Variants in TLCD4 observed in about 807,000 individuals in gnomAD.
TLCD4 encodes the protein TLC domain containing 4.
A neutral mutation model predicts 24.2 loss-of-function variants in TLCD4; 7 were observed. That is an observed-to-expected ratio of 0.29 (90% CI 0.16 to 0.54). TLCD4 has a LOEUF of 0.54. Among genes scored for constraint, TLCD4 ranks in the 20% least tolerant of loss-of-function variants. The probability of loss-of-function intolerance (pLI) is 0.95; values close to 1 mark genes in which losing one functional copy is unlikely to be tolerated. For missense variants in TLCD4, 259 were observed against 313.9 expected (o/e 0.82, Z 1.32); for synonymous variants, 103 against 106.4 (o/e 0.97, Z 0.20).
chr1:95,174,778 AATT>A (rs1414378058), intron 6 of TLCD4, among the ~76,000 whole-genome samples: 1 of 152,036 alleles, frequency 6.6e-6, no homozygotes, highest in Non-Finnish European at 1.5e-5. Context: ...ATCACTAGTG[AATT>A]ATTATTATTT....
At chr1:95,100,910 C>CT in the TLCD4 span, among the ~76,000 whole-genome samples, 88 of 142,218 alleles carry the variant, frequency 6.2e-4, no homozygotes, top group East Asian at 3.3e-3. Flanking sequence ...AGGTCTCCAA[C>CT]TTTTTTTTTT....
At chr1:95,133,655 T>C (rs1012398481) in intron 1 of TLCD4, among the ~76,000 whole-genome samples, 2 of 152,040 alleles carry the variant, frequency 1.3e-5, no homozygotes, top group African/African-American at 4.8e-5. Flanking sequence ...ATGGATGGTG[T>C]TTTGAAAAGA....
intron 1 of TLCD4, among the ~76,000 whole-genome samples, chr1:95,132,054 T>TA (rs1676910179): frequency 6.6e-6 from 1 of 152,220 alleles, no homozygotes; most frequent in Admixed American, 6.5e-5. Context: ...CCTTCTCCAC[T>TA]ATGTTATGAC....
At chr1:95,150,574 C>G (rs111238370) in intron 4 of TLCD4, among the ~76,000 whole-genome samples, 1 of 151,998 alleles carries the variant, frequency 6.6e-6, no homozygotes, top group Non-Finnish European at 1.5e-5. Flanking sequence ...GTGAAACTAA[C>G]GAAATTTAAC....
chr1:95,173,830 G>C lies in TLCD4; in HGVS notation c.414G>C (p.Leu138=). The part of the protein sequence containing the change: ...AYYLVLKNGV[L]AYIGNFRLLA... ...TTATCATTCAGAAAAATGGAGTGCT[G>C]GCATACATTGGGAATTTTCGCCTGC... is the stretch of plus-strand genomic sequence containing the variant. The change falls in exon 6 of 7, where the codon CTG becomes CTC. Residue 138 remains leucine (L), a synonymous_variant. Transcript: ENST00000370203. 6.2e-7 allele frequency: 1 copy of C among 1,614,074 alleles called. No homozygotes were observed.
chr1:95,108,714 A>C, the TLCD4 span, among the ~76,000 whole-genome samples: 1 of 152,142 alleles, frequency 6.6e-6, no homozygotes. Context: ...CATAGATTTA[A>C]CTTTATTTTT....
At chr1:95,112,425 T>TA (rs746843192), upstream of TLCD4, among the ~76,000 whole-genome samples, 3 of 152,110 alleles carry the variant, frequency 2.0e-5, no homozygotes, top group East Asian at 5.8e-4. Context: ...GCAAATGAGA[T>TA]AAAAAAGACT....
At chr1:95,093,200 C>T in the TLCD4 span, among the ~76,000 whole-genome samples, 1 of 152,124 alleles carries the variant, frequency 6.6e-6, no homozygotes. Context: ...GAAGAACCTC[C>T]CAGAGGGTGA....
At chr1:95,178,834 C>T (rs1349423026) in intron 6 of TLCD4, among the ~76,000 whole-genome samples, 1 of 152,126 alleles carries the variant, frequency 6.6e-6, no homozygotes, top group African/African-American at 2.4e-5. Flanking sequence ...GTTTTGTTCT[C>T]TTAGGTGGCA....
intron 5 of TLCD4, among the ~76,000 whole-genome samples, chr1:95,167,115 T>G (rs1047721955): frequency 6.6e-6 from 1 of 151,978 alleles, no homozygotes; most frequent in East Asian, 1.9e-4. Context: ...GCCCTCAGTA[T>G]GCGTCTCATT....
intron 6 of TLCD4, among the ~76,000 whole-genome samples, chr1:95,180,151 G>A (rs1265924732): frequency 1.3e-5 from 2 of 152,160 alleles, no homozygotes; most frequent in Non-Finnish European, 2.9e-5. Flanking sequence ...GAGGTGATAA[G>A]TTAAGCTTTA....
At chr1:95,129,999 CTA>C (rs971741110) in intron 1 of TLCD4, among the ~76,000 whole-genome samples, 2 of 152,084 alleles carry the variant, frequency 1.3e-5, no homozygotes, top group Non-Finnish European at 2.9e-5. Context: ...GTCTTTTTCC[CTA>C]TATGTCTCTT....
At chr1:95,107,340 G>C in the TLCD4 span, among the ~76,000 whole-genome samples, 7 of 152,118 alleles carry the variant, frequency 4.6e-5, no homozygotes, top group African/African-American at 1.7e-4. Context: ...GGAGAATGGC[G>C]TGAACCCAGG....
chr1:95,174,140 A>G, intron 6 of TLCD4: 2 of 498,806 alleles, frequency 4.0e-6, no homozygotes, highest in Admixed American at 7.4e-5. Flanking sequence ...GTGCTTTATG[A>G]TGCCTGCTTC....
Position 95,150,209 on chromosome 1 carries a change from G to T in TLCD4, c.247G>T (p.Gly83Cys). Residue 83 changes from glycine (G) to cysteine (C), a missense_variant and splice_region_variant, in exon 4 of 7, where the codon GGT (glycine) becomes TGT (cysteine). By Grantham distance (159) the Gly-to-Cys change is radical (BLOSUM62 -3). Coordinates refer to ENST00000370203, the MANE Select transcript of TLCD4 (RefSeq NM_152487.3). Reference protein sequence around the residue: ...DEATKADPLWGGPSLANVNIA... With the variant: ...DEATKADPLWCGPSLANVNIA... ...AAAGGAACCTTTTTTTTTTTTCAGG[G>T]GTGGTCCATCACTTGCAAACGTGAA... 1.9e-6 allele frequency: 3 copies of T among 1,601,348 alleles called. No homozygotes were observed. The highest frequency in any genetic ancestry group is 1.4e-5 in the African/African-American group (1 of 73,714).
At chr1:95,142,347 C>G (rs1004036652) in intron 1 of TLCD4, among the ~76,000 whole-genome samples, 1 of 144,418 alleles carries the variant, frequency 6.9e-6, no homozygotes, top group Non-Finnish European at 1.5e-5. Flanking sequence ...GCCTTTTGCT[C>G]CAAGAATGTG....
chr1:95,127,193 A>T (rs1212731246), intron 1 of TLCD4, among the ~76,000 whole-genome samples: 5 of 152,194 alleles, frequency 3.3e-5, no homozygotes, highest in Admixed American at 1.3e-4. Flanking sequence ...GCTGAGCGGC[A>T]TTCATCTTAA....
At chr1:95,181,187 A>G (rs1678627724) in intron 6 of TLCD4, among the ~76,000 whole-genome samples, 1 of 135,698 alleles carries the variant, frequency 7.4e-6, no homozygotes, top group South Asian at 2.2e-4. Flanking sequence ...AAATAACTGC[A>G]TTGCCAAAAC....
chr1:95,171,227 C>T (rs773125505), intron 5 of TLCD4, among the ~76,000 whole-genome samples: 1 of 152,136 alleles, frequency 6.6e-6, no homozygotes, highest in African/African-American at 2.4e-5. Flanking sequence ...GCTGGGATTA[C>T]TTTTGTGAGC....
Sources: gnomAD v4.1 joint callset for allele counts (sites outside exome capture counted in the v4.1 genomes callset) on GRCh38, gnomAD v4.1.1 for gene constraint, MANE v1.5 for transcripts, NCBI Gene and HGNC (gene_info 2026-07-23, HGNC 2026-07-21) for gene names.